ZFYVE1: variants seen among roughly 807,000 people sequenced by gnomAD.
The protein encoded by ZFYVE1 is zinc finger FYVE domain-containing protein 1.
A neutral mutation model predicts 74.4 loss-of-function variants in ZFYVE1; 30 were observed. The observed-to-expected ratio is 0.40, with a 90% CI of 0.30 to 0.55. The LOEUF (loss-of-function observed/expected upper bound fraction) is 0.55. Among genes scored for constraint, ZFYVE1 ranks in the 20% least tolerant of loss-of-function variants. The probability of loss-of-function intolerance (pLI) is 0.42; values close to 1 mark genes in which losing one functional copy is unlikely to be tolerated. For synonymous variants in ZFYVE1, 335 were observed against 385.1 expected, an observed-to-expected ratio of 0.87 and a Z score of 1.52; for missense variants, 703 against 1,011.6, an observed-to-expected ratio of 0.69 and a Z score of 4.14.
chr14:72,977,389 TG>T (rs1457474337), intron 8 of ZFYVE1, among the ~76,000 whole-genome samples: 1 of 151,800 alleles, frequency 6.6e-6, no homozygotes, highest in Non-Finnish European at 1.5e-5. Flanking sequence ...CACTTCAGCC[TG>T]GGGAACAAGA....
chr14:72,983,683 G>A (rs1024034557), intron 4 of ZFYVE1, among the ~76,000 whole-genome samples: 4 of 152,104 alleles, frequency 2.6e-5, no homozygotes, highest in Non-Finnish European at 4.4e-5. Context: ...TGTCTTTGTA[G>A]CAGCATGATT....
rs539725399 is a variant in ZFYVE1, at chr14:72,985,454, C to G, written c.1204-3559G>C. 9.8e-5 allele frequency among the ~76,000 whole-genome samples: 15 copies of G among 152,310 alleles called. No individual in the cohort carries two copies. The South Asian group carries it at 3.1e-3, about 32-fold the overall frequency. On this transcript the variant is annotated intron_variant, in intron 4 of 11. Transcript: ENST00000556143. ...TCAAGCGATTCTCCTGCACCAGCCTCCCAAGTAGCTGGGATTACGGGCCCC... is the reference window on the plus strand; with the variant it reads ...TCAAGCGATTCTCCTGCACCAGCCTGCCAAGTAGCTGGGATTACGGGCCCC...
intron 8 of ZFYVE1, among the ~76,000 whole-genome samples, chr14:72,976,634 T>C (rs1409316566): frequency 6.6e-6 from 1 of 151,672 alleles, no homozygotes; most frequent in African/African-American, 2.4e-5. Flanking sequence ...AATACAAAAA[T>C]TAGCTGGGTG....
intron 4 of ZFYVE1, among the ~76,000 whole-genome samples, chr14:72,988,969 G>T (rs896560709): frequency 1.6e-5 from 2 of 123,454 alleles, no homozygotes; most frequent in African/African-American, 3.3e-5. Flanking sequence ...TTGCTGTGTC[G>T]CCCAGGACAG....
chr14:73,003,722 AG>A, intron 2 of ZFYVE1, among the ~76,000 whole-genome samples: 3 of 152,068 alleles, frequency 2.0e-5, no homozygotes, highest in Non-Finnish European at 2.9e-5. Context: ...AAAAAAAAAA[AG>A]TAAACCACTC....
rs556381500 is a variant in ZFYVE1, at chr14:72,981,771, G to A, written c.1310+18C>T. The A allele has an allele frequency of 1.2e-6, 2 of 1,611,292 alleles. No homozygotes were observed. Among genetic ancestry groups the A allele is most frequent in the East Asian group, 2.2e-5 (1 of 44,872 alleles). ...TCTCAAGGTATGGGGTGGGAGGTGG[G>A]GGAGCGGCCTTACTTACCCACAGCT... On this transcript the variant is annotated intron_variant, in intron 5 of 11. Coordinates refer to ENST00000556143, the MANE Select transcript of ZFYVE1 (RefSeq NM_021260.4).
At chr14:72,986,765 A>C (rs1445625854) in intron 4 of ZFYVE1, 1 of 469,634 alleles carries the variant, frequency 2.1e-6, no homozygotes, top group Non-Finnish European at 2.8e-6. Context: ...CCTGACCTCA[A>C]GTGATCCACC....
Position 72,978,986 on chromosome 14 carries a change from G to T in ZFYVE1, c.1311-17C>A. ...CATCCAACCCTGAATGAAGCCCAAA[G>T]ACTGACAATGAGACGGCTAAAGGAG... is the stretch of plus-strand genomic sequence containing the variant. On this transcript the variant is annotated splice_polypyrimidine_tract_variant and intron_variant, in intron 5 of 11. Transcript: ENST00000556143. 6.2e-7 allele frequency: 1 copy of T among 1,609,286 alleles called. No individual in the cohort carries two copies. Among genetic ancestry groups the T allele is most frequent in the South Asian group, 1.1e-5 (1 of 90,968 alleles).
In ZFYVE1 at chr14:72,978,875, C is replaced by T; in HGVS notation, c.1405G>A (p.Val469Met). 1.9e-6 allele frequency: 3 copies of T among 1,614,126 alleles called. No individual in the cohort carries two copies. The highest frequency in any genetic ancestry group is 1.7e-6 in the Non-Finnish European group (2 of 1,179,958). The change falls in exon 6 of 12, where the codon GTG becomes ATG. Residue 469 changes from valine (V) to methionine (M), a missense_variant. Transcript: ENST00000556143. ...CRYSHQYDNR[V>M]YTCKACYERG... ...GGAGGACTCACCTTGCAGGTATACA[C>T]TCGGTTGTCATACTGGTGGGAGTAT...
At position 72,969,790 on chromosome 14, in the gene ZFYVE1, T is replaced by C; in HGVS notation, c.*1092A>G. 1.4e-6 allele frequency: 1 copy of C among 698,862 alleles called. No homozygotes were observed. Among genetic ancestry groups the C allele is most frequent in the Non-Finnish European group, 2.6e-6 (1 of 384,054 alleles). 43.3% of individuals were successfully genotyped at this position (698,862 alleles called of 1,614,324 possible). A position where few individuals can be genotyped will look rare whatever the true frequency, so the allele number is the denominator to read the frequency against. ...GAGAAACAAAAGTTCCTTTGACTTCTCTTGCAAGGACCAAAGAGATAAATT... is the reference window on the plus strand; with the variant it reads ...GAGAAACAAAAGTTCCTTTGACTTCCCTTGCAAGGACCAAAGAGATAAATT... On this transcript the variant is annotated 3_prime_UTR_variant, in exon 12 of 12. Coordinates refer to ENST00000556143, the MANE Select transcript of ZFYVE1 (RefSeq NM_021260.4).
rs1594825731 is a variant in ZFYVE1 at position 72,970,919 on chromosome 14, A to C, written c.2297T>G (p.Val766Gly). Residue 766 changes from valine to glycine, a missense_variant, in exon 12 of 12, where the codon GTC becomes GGC. Val to Gly is a moderately radical substitution (Grantham distance 109, BLOSUM62 -3). Transcript: ENST00000556143. ...PSRGWDHPVR[V>G]CFNCNKKPGD... ...GGGCTTTTTATTGCAGTTGAAGCAG[A>C]CTCGGACGGGATGGTCCCAGCCACG... 6.2e-7 allele frequency: 1 copy of C among 1,614,018 alleles called. No individual in the cohort carries two copies. The highest frequency in any genetic ancestry group is 1.3e-5 in the African/African-American group (1 of 74,900).
rs1893021855 is a variant in ZFYVE1, at chr14:72,971,061, G to A, written c.2155C>T (p.Leu719Phe). 1 of 1,614,084 alleles carries A rather than the reference G, an allele frequency of 6.2e-7. No homozygotes were observed. Residue 719 changes from leucine (L) to phenylalanine (F), a missense_variant, in exon 12 of 12, where the codon CTC (leucine) becomes TTC (phenylalanine). Leu to Phe is a conservative substitution (Grantham distance 22, BLOSUM62 0). This residue lies in a region of ZFYVE1 where 492 missense variants were observed against 790.0 expected (regional missense o/e 0.62). Transcript: ENST00000556143. ...PAYWVPDHEI[L>F]HCHNCRKEFS... ...TCCTTCCGGCAGTTGTGGCAGTGGAGGATTTCGTGGTCAGGCACCCAGTAC... is the reference window on the plus strand; with the variant it reads ...TCCTTCCGGCAGTTGTGGCAGTGGAAGATTTCGTGGTCAGGCACCCAGTAC...
intron 11 of ZFYVE1, 90 bp downstream of exon 11, chr14:72,973,990 T>C (rs61986489): frequency 0.066 from 72,448 of 1,094,502 alleles, 2,814 homozygotes; most frequent in Non-Finnish European, 0.082. Flanking sequence ...TCAATCTAGG[T>C]TGGCAAGCCT....
intron 2 of ZFYVE1, among the ~76,000 whole-genome samples, chr14:73,016,828 T>G (rs1016777265): frequency 1.3e-5 from 2 of 150,118 alleles, no homozygotes; most frequent in Non-Finnish European, 3.0e-5. Context: ...GAACCAAGAT[T>G]GTGCCACTGC....
chr14:72,998,832 CA>C (rs1177199998), intron 2 of ZFYVE1, among the ~76,000 whole-genome samples: 1 of 147,118 alleles, frequency 6.8e-6, no homozygotes, highest in Non-Finnish European at 1.5e-5. Context: ...GCATGGGCAA[CA>C]GAATGAGACC....
At chr14:73,002,480 T>C (rs1184789759) in intron 2 of ZFYVE1, among the ~76,000 whole-genome samples, 1 of 151,832 alleles carries the variant, frequency 6.6e-6, no homozygotes, top group Non-Finnish European at 1.5e-5. Context: ...TTTTTGCCTG[T>C]TGCCCAGGCT....
At chr14:73,023,349 AATATATATTATATATGTTTTATATATAAT>A (rs1894378950) in intron 2 of ZFYVE1, among the ~76,000 whole-genome samples, 2 of 66,378 alleles carry the variant, frequency 3.0e-5, no homozygotes, top group African/African-American at 1.2e-4. Flanking sequence ...TTTTATATAT[AATATATATTATATATGTTTTATATATAAT>A]ATATATATTT....
At chr14:73,010,982 A>G (rs1894079895) in intron 2 of ZFYVE1, among the ~76,000 whole-genome samples, 1 of 151,922 alleles carries the variant, frequency 6.6e-6, no homozygotes, top group African/African-American at 2.4e-5. Context: ...ATACTACTAT[A>G]AATTCATTTT....
At chr14:72,995,058 T>TA in intron 3 of ZFYVE1, among the ~76,000 whole-genome samples, 1 of 152,250 alleles carries the variant, frequency 6.6e-6, no homozygotes, top group Non-Finnish European at 1.5e-5. Flanking sequence ...TTAATTTCCT[T>TA]TTTATTTATT....
Sources: allele counts gnomAD v4.1 joint callset (sites outside exome capture counted in the v4.1 genomes callset), GRCh38; gene constraint gnomAD v4.1.1; regional missense constraint gnomAD v4.1.1; transcripts MANE v1.5; gene names NCBI Gene and HGNC (gene_info 2026-07-23, HGNC 2026-07-21).